Variants in ZFYVE28 observed in about 807,000 individuals in gnomAD.
ZFYVE28 encodes the protein lateral signaling target protein 2 homolog.
Under a neutral mutation model 82.1 loss-of-function variants are expected in ZFYVE28, and 40 were observed. That is an observed-to-expected ratio of 0.49 (90% CI 0.38 to 0.63). The LOEUF is 0.63. Ranked by LOEUF, ZFYVE28 falls within the 30% of genes least tolerant of loss-of-function variation. The pLI, the probability that ZFYVE28 is intolerant of heterozygous loss-of-function variation, is 0.00. For missense variants in ZFYVE28, 1,321 were observed against 1,242.1 expected, an observed-to-expected ratio of 1.06 and a Z score of -0.96; for synonymous variants, 612 against 546.1, an observed-to-expected ratio of 1.12 and a Z score of -1.68.
At chr4:2,384,096 G>C (rs781361694) in intron 1 of ZFYVE28, among the ~76,000 whole-genome samples, 2 of 152,130 alleles carry the variant, frequency 1.3e-5, no homozygotes, top group Non-Finnish European at 2.9e-5. Flanking sequence ...TTTTGGACTG[G>C]GGTACACAGA....
intron 6 of ZFYVE28, among the ~76,000 whole-genome samples, chr4:2,327,257 T>A (rs1488493781): frequency 0.031 from 53 of 1,696 alleles, no homozygotes; most frequent in African/African-American, 0.12. Flanking sequence ...CTCAAATATA[T>A]ATATATATAT....
chr4:2,415,529 G>T (rs1044162027), intron 1 of ZFYVE28, among the ~76,000 whole-genome samples: 2 of 151,452 alleles, frequency 1.3e-5, no homozygotes, highest in Non-Finnish European at 2.9e-5. Flanking sequence ...ACCAAAGCAG[G>T]AATTCAATTA....
chr4:2,364,768 C>G, intron 1 of ZFYVE28: 1 of 985,556 alleles, frequency 1.0e-6, no homozygotes, highest in Non-Finnish European at 1.2e-6. Context: ...CGCCGCCGCG[C>G]CCTCGTCAAG....
chr4:2,390,205 C>T (rs1172776362), intron 1 of ZFYVE28, among the ~76,000 whole-genome samples: 3 of 152,178 alleles, frequency 2.0e-5, no homozygotes, highest in Admixed American at 6.5e-5. Flanking sequence ...CCAGCAAATG[C>T]CAAGCTGGCC....
chr4:2,302,092 G>A (rs949908704), intron 8 of ZFYVE28, among the ~76,000 whole-genome samples: 3 of 152,260 alleles, frequency 2.0e-5, no homozygotes, highest in Non-Finnish European at 2.9e-5. Flanking sequence ...GGAGAGCGAG[G>A]TGGGGGCGAG....
rs1726234468 is a variant in ZFYVE28 at position 2,362,023 on chromosome 4, C to G, written c.40-7950G>C. 6.6e-6 allele frequency among the ~76,000 whole-genome samples: 1 copy of G among 152,086 alleles called. No individual in the cohort carries two copies. Among genetic ancestry groups the G allele is most frequent in the African/African-American group, 2.4e-5 (1 of 41,398 alleles). On this transcript the variant is annotated intron_variant, in intron 1 of 12. Coordinates refer to ENST00000290974, the MANE Select transcript of ZFYVE28 (RefSeq NM_020972.3). The surrounding 1 kb of genome is among the most constrained non-coding windows in gnomAD (Gnocchi z 5.1). Reference sequence around the variant, plus strand: ...CAGTCCAGCTCCTACTGCCTCCCTCCCCACACAGCTGAACCCAGGACATAA... The same window carrying G: ...CAGTCCAGCTCCTACTGCCTCCCTCGCCACACAGCTGAACCCAGGACATAA...
At chr4:2,380,401 C>T (rs1050803058) in intron 1 of ZFYVE28, among the ~76,000 whole-genome samples, 5 of 152,172 alleles carry the variant, frequency 3.3e-5, no homozygotes, top group African/African-American at 4.8e-5. Context: ...GAACAACTGC[C>T]GAGTTATCGG....
rs983761706 is a variant in ZFYVE28, at chr4:2,271,237, C to T, written c.2532+74G>A. 2.7e-5 allele frequency: 40 copies of T among 1,481,870 alleles called. No individual in the cohort carries two copies. In the South Asian group the frequency reaches 4.5e-4, roughly 17 times the overall value. 91.8% of individuals were successfully genotyped at this position (1,481,870 alleles called of 1,614,324 possible). The stretch of plus-strand genomic sequence containing the variant: ...TGGCCTCCCTGGGCATCGGTTCTGA[C>T]TTCCAGACCTCAGGCTCTGTCCGTG... On this transcript the variant is annotated intron_variant, in intron 12 of 12. Transcript: ENST00000290974.
intron 8 of ZFYVE28, chr4:2,287,041 G>C (rs1175797121): frequency 6.6e-6 from 1 of 152,320 alleles, no homozygotes; most frequent in African/African-American, 2.4e-5. Flanking sequence ...TTGGCCACAA[G>C]GCAAGGAAGT....
intron 6 of ZFYVE28, among the ~76,000 whole-genome samples, chr4:2,327,006 C>T (rs1719932781): frequency 6.6e-6 from 1 of 151,824 alleles, no homozygotes; most frequent in Non-Finnish European, 1.5e-5. Flanking sequence ...AATCCCAGCA[C>T]TTTGGGAGGC....
chr4:2,397,471 CAAA>C (rs35358830), intron 1 of ZFYVE28, among the ~76,000 whole-genome samples: 3 of 98,226 alleles, frequency 3.1e-5, no homozygotes, highest in Non-Finnish European at 2.0e-5. Context: ...GACTCGGTCT[CAAA>C]AAAAAAAAAA....
At chr4:2,411,077 C>T (rs1732471650) in intron 1 of ZFYVE28, among the ~76,000 whole-genome samples, 1 of 152,178 alleles carries the variant, frequency 6.6e-6, no homozygotes, top group South Asian at 2.1e-4. Context: ...TGTGCTAGCC[C>T]AGTCTCCCCA....
chr4:2,270,637 T>A lies in ZFYVE28; in HGVS notation c.*88A>T. The A allele has an allele frequency of 3.8e-6, 6 of 1,570,192 alleles. No homozygotes were observed. Among genetic ancestry groups the A allele is most frequent in the Non-Finnish European group, 5.2e-6 (6 of 1,153,480 alleles). ...CCCTGCAGCAGCGGCAGCGGCCTCA[T>A]GAGACGCAGTGAGACCTGCCTGCAG... is the stretch of plus-strand genomic sequence containing the variant. On this transcript the variant is annotated 3_prime_UTR_variant, in exon 13 of 13. Coordinates refer to ENST00000290974, the MANE Select transcript of ZFYVE28 (RefSeq NM_020972.3).
chr4:2,335,635 G>A lies in ZFYVE28; in HGVS notation c.701+70C>T, dbSNP rs1578143284. ...GACGCCATGGACCGGCACCCGCACGGGACCTGGCACCATCAGCCCTGCCCG... is the reference window on the plus strand; with the variant it reads ...GACGCCATGGACCGGCACCCGCACGAGACCTGGCACCATCAGCCCTGCCCG... On this transcript the variant is annotated intron_variant, in intron 6 of 12. Coordinates refer to ENST00000290974, the MANE Select transcript of ZFYVE28 (RefSeq NM_020972.3). The surrounding 1 kb of genome is among the most constrained non-coding windows in gnomAD (Gnocchi z 5.8). 6.9e-7 allele frequency: 1 copy of A among 1,457,870 alleles called. No homozygotes were observed. The highest frequency in any genetic ancestry group is 2.5e-5 in the East Asian group (1 of 40,380). 90.3% of individuals were successfully genotyped at this position (1,457,870 alleles called of 1,614,324 possible).
intron 1 of ZFYVE28, among the ~76,000 whole-genome samples, chr4:2,403,441 G>A (rs1241178466): frequency 2.6e-5 from 4 of 152,256 alleles, no homozygotes; most frequent in Non-Finnish European, 5.9e-5. Flanking sequence ...GGCCATCCCT[G>A]GATCGTGGCG....
intron 1 of ZFYVE28, among the ~76,000 whole-genome samples, chr4:2,382,822 A>C (rs1178853790): frequency 1.3e-5 from 2 of 152,154 alleles, no homozygotes; most frequent in Non-Finnish European, 2.9e-5. Flanking sequence ...AATTGGACTT[A>C]CAGTTCCATA....
At chr4:2,399,627 A>G (rs1208960148) in intron 1 of ZFYVE28, among the ~76,000 whole-genome samples, 1 of 152,212 alleles carries the variant, frequency 6.6e-6, no homozygotes, top group African/African-American at 2.4e-5. Context: ...GCCCGTTTTG[A>G]GAGGGTCAGG....
chr4:2,349,854 G>A (rs1189624211), intron 2 of ZFYVE28, among the ~76,000 whole-genome samples: 1 of 152,162 alleles, frequency 6.6e-6, no homozygotes, highest in Non-Finnish European at 1.5e-5. Context: ...AGCAAGCTAT[G>A]AGTAGGTGGC....
intron 8 of ZFYVE28, among the ~76,000 whole-genome samples, chr4:2,292,613 A>T (rs1487114232): frequency 1.3e-5 from 2 of 152,218 alleles, no homozygotes; most frequent in African/African-American, 2.4e-5. Flanking sequence ...CATTCACGGA[A>T]TAAGATGATA....
Sources: allele counts gnomAD v4.1 joint callset (sites outside exome capture counted in the v4.1 genomes callset), GRCh38; gene constraint gnomAD v4.1.1; non-coding constraint Gnocchi (gnomAD v3.1); transcripts MANE v1.5; gene names NCBI Gene and HGNC (gene_info 2026-07-23, HGNC 2026-07-21).